SCRG1: variants seen among roughly 807,000 people sequenced by gnomAD.
The protein encoded by SCRG1 is scrapie-responsive protein 1.
SCRG1 carries 3 observed loss-of-function variants against 7.7 expected under a neutral mutation model. That is an observed-to-expected ratio of 0.39 (90% CI 0.18 to 1.01). The LOEUF (loss-of-function observed/expected upper bound fraction) is 1.01. Among genes scored for constraint, SCRG1 ranks in the 50% least tolerant of loss-of-function variants. The pLI, the probability that SCRG1 is intolerant of heterozygous loss-of-function variation, is 0.36. For synonymous variants in SCRG1, 46 were observed against 41.2 expected (o/e 1.12, Z -0.44); for missense variants, 110 against 117.2 (o/e 0.94, Z 0.28).
the SCRG1 span, among the ~76,000 whole-genome samples, chr4:173,518,269 C>T: frequency 2.6e-5 from 4 of 152,116 alleles, no homozygotes; most frequent in Admixed American, 2.6e-4. Context: ...GCCTCTCTCC[C>T]GGCCACTGCT....
chr4:173,473,122 C>A, the SCRG1 span, among the ~76,000 whole-genome samples: 1 of 152,204 alleles, frequency 6.6e-6, no homozygotes, highest in Non-Finnish European at 1.5e-5. Context: ...TTGATTAATT[C>A]ATCTATCTAG....
chr4:173,450,699 C>T, the SCRG1 span, among the ~76,000 whole-genome samples: 1 of 152,104 alleles, frequency 6.6e-6, no homozygotes. Flanking sequence ...ATAGGGAAAC[C>T]CAAAAAGCCT....
At chr4:173,453,893 A>G in the SCRG1 span, among the ~76,000 whole-genome samples, 3 of 152,132 alleles carry the variant, frequency 2.0e-5, no homozygotes, top group Non-Finnish European at 2.9e-5. Flanking sequence ...CCTGGCCAAC[A>G]TGATGAAACC....
At chr4:173,411,162 C>T (rs976311538), upstream of SCRG1, among the ~76,000 whole-genome samples, 1 of 152,186 alleles carries the variant, frequency 6.6e-6, no homozygotes, top group African/African-American at 2.4e-5. Context: ...TTTTATGCAT[C>T]CTCAGTGTCT....
the SCRG1 span, among the ~76,000 whole-genome samples, chr4:173,478,774 TGAC>T: frequency 3.3e-5 from 5 of 152,018 alleles, no homozygotes; most frequent in Non-Finnish European, 7.4e-5. Context: ...CTGTGGAAGA[TGAC>T]GAAAGGAAAA....
the SCRG1 span, among the ~76,000 whole-genome samples, chr4:173,503,598 C>T: frequency 8.6e-5 from 13 of 151,964 alleles, no homozygotes; most frequent in South Asian, 2.1e-4. This position sits in a 1 kb window ranked among gnomAD's most constrained non-coding sequence, Gnocchi z 6.4. Context: ...ATAGAATTTC[C>T]GAAGACACAA....
At chr4:173,394,951 G>C (rs780813581) in intron 1 of SCRG1, among the ~76,000 whole-genome samples, 14 of 151,904 alleles carry the variant, frequency 9.2e-5, no homozygotes, top group Non-Finnish European at 2.1e-4. Flanking sequence ...ATGCTATTTT[G>C]TTGCATTTAA....
the SCRG1 span, among the ~76,000 whole-genome samples, chr4:173,479,142 T>C: frequency 6.6e-6 from 1 of 152,150 alleles, no homozygotes; most frequent in Non-Finnish European, 1.5e-5. Flanking sequence ...AATTCTGAAC[T>C]TGGCATGTAA....
the SCRG1 span, among the ~76,000 whole-genome samples, chr4:173,515,422 T>TAAA: frequency 2.0e-5 from 3 of 149,464 alleles, no homozygotes; most frequent in African/African-American, 2.5e-5. This position sits in a 1 kb window ranked among gnomAD's most constrained non-coding sequence, Gnocchi z 4.6. Flanking sequence ...GTGTTTGTGC[T>TAAA]AAAAAAAAAA....
the SCRG1 span, among the ~76,000 whole-genome samples, chr4:173,476,361 A>ATATATAT: frequency 0.011 from 556 of 51,402 alleles, 11 homozygotes; most frequent in Non-Finnish European, 0.016. Context: ...GGGGAAAAAA[A>ATATATAT]AAATATATAT....
the SCRG1 span, among the ~76,000 whole-genome samples, chr4:173,505,537 T>C: frequency 1.1e-4 from 17 of 152,274 alleles, no homozygotes; most frequent in East Asian, 2.3e-3. This position sits in a 1 kb window ranked among gnomAD's most constrained non-coding sequence, Gnocchi z 4.4. Flanking sequence ...TGGGATTCTG[T>C]CTTTGTAGGA....
At chr4:173,432,713 A>G in the SCRG1 span, among the ~76,000 whole-genome samples, 7 of 152,232 alleles carry the variant, frequency 4.6e-5, no homozygotes, top group South Asian at 1.2e-3. Flanking sequence ...TAAAATGTAT[A>G]GAAAGGGAGA....
At chr4:173,470,127 T>C in the SCRG1 span, 1 of 138,198 alleles carries the variant, frequency 7.2e-6, no homozygotes, top group Admixed American at 7.1e-5. Context: ...TTTCTTTTTT[T>C]TTTTTTTTTT....
At chr4:173,393,549 A>G (rs1279522039) in intron 1 of SCRG1, among the ~76,000 whole-genome samples, 1 of 152,180 alleles carries the variant, frequency 6.6e-6, no homozygotes, top group South Asian at 2.1e-4. Context: ...GTGATCTATC[A>G]TGGAGAATTT....
At chr4:173,506,171 CCT>C in the SCRG1 span, among the ~76,000 whole-genome samples, 1 of 152,164 alleles carries the variant, frequency 6.6e-6, no homozygotes, top group African/African-American at 2.4e-5. This position sits in a 1 kb window ranked among gnomAD's most constrained non-coding sequence, Gnocchi z 5.3. Context: ...ACTCTGGACT[CCT>C]CTGGTTGAGT....
the SCRG1 span, among the ~76,000 whole-genome samples, chr4:173,467,536 CTTGGA>C: frequency 5.9e-5 from 9 of 152,230 alleles, no homozygotes; most frequent in Non-Finnish European, 1.2e-4. Flanking sequence ...AGATTTTTGT[CTTGGA>C]TTGTTTTGGG....
the SCRG1 span, among the ~76,000 whole-genome samples, chr4:173,484,884 T>C: frequency 0.6 from 41,327 of 69,378 alleles, 13,718 homozygotes; most frequent in Non-Finnish European, 0.72. Context: ...ATATTATATA[T>C]TATATACATA....
At chr4:173,391,136 T>G (rs775204292) in intron 2 of SCRG1, 37 bp downstream of exon 2, 1 of 1,608,354 alleles carries the variant, frequency 6.2e-7, no homozygotes, top group African/African-American at 1.3e-5. Flanking sequence ...TCTGCATACA[T>G]TTCCAGGCAA....
chr4:173,507,311 G>A, the SCRG1 span, among the ~76,000 whole-genome samples: 21 of 152,282 alleles, frequency 1.4e-4, no homozygotes, highest in African/African-American at 4.1e-4. This position sits in a 1 kb window ranked among gnomAD's most constrained non-coding sequence, Gnocchi z 4.4. Flanking sequence ...CCGGGTTCAA[G>A]CGATTCTCCT....
Sources: allele counts gnomAD v4.1 joint callset (sites outside exome capture counted in the v4.1 genomes callset), GRCh38; gene constraint gnomAD v4.1.1; non-coding constraint Gnocchi (gnomAD v3.1); transcripts MANE v1.5; gene names NCBI Gene and HGNC (gene_info 2026-07-23, HGNC 2026-07-21).